The following OSBP variants were observed in gnomAD, a reference collection of about 807,000 sequenced individuals.
The protein encoded by OSBP is oxysterol-binding protein 1.
In OSBP, 32 loss-of-function variants were observed where a neutral mutation model predicts 96.6. The observed-to-expected ratio is 0.33, with a 90% CI of 0.25 to 0.45. The LOEUF (loss-of-function observed/expected upper bound fraction) is 0.45, where lower values mean the gene tolerates loss of function less well. Ranked by LOEUF, OSBP falls within the 20% of genes least tolerant of loss-of-function variation. The pLI, the probability that OSBP is intolerant of heterozygous loss-of-function variation, is 1.00. For synonymous variants in OSBP, 369 were observed against 389.6 expected, an observed-to-expected ratio of 0.95 and a Z score of 0.62; for missense variants, 653 against 1,029.7, an observed-to-expected ratio of 0.63 and a Z score of 5.01.
At chr11:59,591,896 C>T (rs1006504470) in intron 9 of OSBP, among the ~76,000 whole-genome samples, 2 of 152,180 alleles carry the variant, frequency 1.3e-5, no homozygotes, top group African/African-American at 4.8e-5. Flanking sequence ...GCTGGGATTA[C>T]AGGCATGAGC....
Position 59,576,785 on chromosome 11 carries a change from G to A in OSBP, c.2281+20C>T, listed in dbSNP as rs765311118. On this transcript the variant is annotated intron_variant, in intron 13 of 13. Transcript: ENST00000263847. ...ATTCTCCATGCATCAAGAAAGAAGAGTAGAAGGGAAGTTCATTACCATCCT... is the reference window on the plus strand; with the variant it reads ...ATTCTCCATGCATCAAGAAAGAAGAATAGAAGGGAAGTTCATTACCATCCT... 2.5e-6 allele frequency: 4 copies of A among 1,613,232 alleles called. No individual in the cohort carries two copies. In the African/African-American group the frequency reaches 4.0e-5, roughly 16 times the overall value.
chr11:59,598,948 A>G (rs1233198412), intron 7 of OSBP, among the ~76,000 whole-genome samples: 1 of 152,226 alleles, frequency 6.6e-6, no homozygotes, highest in East Asian at 1.9e-4. Flanking sequence ...GCTAGCTGGA[A>G]TAAGGCTCTG....
intron 3 of OSBP, among the ~76,000 whole-genome samples, chr11:59,607,753 C>T (rs1358365292): frequency 1.3e-5 from 2 of 152,122 alleles, no homozygotes; most frequent in African/African-American, 4.8e-5. Flanking sequence ...ATCGGTAATG[C>T]CATGGGTGCT....
chr11:59,615,233 A>T, intron 1 of OSBP, 70 bp downstream of exon 1: 1 of 1,338,970 alleles, frequency 7.5e-7, no homozygotes. Flanking sequence ...GCTGGCGGTA[A>T]TGCCGGAGCT....
chr11:59,589,151 CTTT>C (rs11335531), intron 9 of OSBP, among the ~76,000 whole-genome samples: 7 of 123,956 alleles, frequency 5.6e-5, no homozygotes, highest in Non-Finnish European at 1.0e-4. Context: ...AGCAATCATT[CTTT>C]TTTTTTTTTT....
chr11:59,615,419 C>T lies in OSBP; in HGVS notation c.246G>A (p.Ser82=), dbSNP rs1021227773. The T allele has an allele frequency of 6.6e-7, 1 of 1,513,608 alleles. No homozygotes were observed. The highest frequency in any genetic ancestry group is 8.9e-7 in the Non-Finnish European group (1 of 1,125,900). The allele number at this position is 1,513,608 out of a possible 1,614,324, so 93.8% of individuals were successfully genotyped here. A position where few individuals can be genotyped will look rare whatever the true frequency, so the allele number is the denominator to read the frequency against. The change falls in exon 1 of 14, where the codon TCG becomes TCA. Residue 82 remains serine, a synonymous_variant. Coordinates refer to ENST00000263847, the MANE Select transcript of OSBP (RefSeq NM_002556.3). ...GAGCCGAGCCCGAACCCCCAGCGCC[C>T]GAGCCGCCCGAGCCCCCAGTCGGCG... ...PAPPTGGSGG[S]GAGGSGSARE... is the part of the protein sequence containing the mutation.
At chr11:59,601,138 A>G (rs1860719697) in intron 5 of OSBP, 145 bp downstream of exon 5, 1 of 527,674 alleles carries the variant, frequency 1.9e-6, no homozygotes, top group South Asian at 3.1e-5. Context: ...AAAAAAAGGG[A>G]AAAGGGCCCA....
intron 7 of OSBP, among the ~76,000 whole-genome samples, chr11:59,594,897 G>A (rs1860629507): frequency 6.6e-6 from 1 of 152,148 alleles, no homozygotes; most frequent in Non-Finnish European, 1.5e-5. Context: ...AGGCGACCAA[G>A]TACTGGATAA....
chr11:59,590,530 G>A (rs1367252327), intron 9 of OSBP, among the ~76,000 whole-genome samples: 2 of 152,114 alleles, frequency 1.3e-5, no homozygotes, highest in African/African-American at 2.4e-5. Flanking sequence ...TTATTGTTGG[G>A]CCTGAATGAG....
chr11:59,610,370 T>G lies in OSBP; in HGVS notation c.571+11A>C. 2 of 1,611,668 alleles carry G rather than the reference T, an allele frequency of 1.2e-6. No homozygotes were observed. The highest frequency in any genetic ancestry group is 3.3e-5 in the Admixed American group (2 of 60,028). On this transcript the variant is annotated intron_variant, in intron 2 of 13. Coordinates refer to ENST00000263847, the MANE Select transcript of OSBP (RefSeq NM_002556.3). ...AGAAAGTTCCCCAGGCAGGTGTTCT[T>G]TGTTCCTGACCTGACTCTGCCAGCA...
At chr11:59,603,646 C>T (rs1366077789) in intron 3 of OSBP, among the ~76,000 whole-genome samples, 1 of 150,618 alleles carries the variant, frequency 6.6e-6, no homozygotes, top group African/African-American at 2.4e-5. Context: ...AAGTGATCCT[C>T]CTACCTGAGC....
chr11:59,596,042 A>G (rs891790758), intron 7 of OSBP, among the ~76,000 whole-genome samples: 1 of 152,006 alleles, frequency 6.6e-6, no homozygotes, highest in African/African-American at 2.4e-5. Context: ...AAATATCCCA[A>G]ATGTTTCTCT....
At chr11:59,581,196 C>T (rs1176204997) in intron 10 of OSBP, among the ~76,000 whole-genome samples, 3 of 152,110 alleles carry the variant, frequency 2.0e-5, no homozygotes, top group South Asian at 2.1e-4. Context: ...TTCTACCTGT[C>T]GTAGCACCCA....
intron 1 of OSBP, among the ~76,000 whole-genome samples, chr11:59,610,975 A>T (rs2134710203): frequency 6.6e-6 from 1 of 152,044 alleles, no homozygotes; most frequent in Middle Eastern, 3.4e-3. Flanking sequence ...TTCTACTAAA[A>T]ATCAAAAAAA....
Position 59,575,118 on chromosome 11 carries a change from TC to T in OSBP, c.*1458del, listed in dbSNP as rs1180666428. The T allele has an allele frequency of 1.3e-5, 2 of 152,236 alleles. No individual in the cohort carries two copies. Among genetic ancestry groups the T allele is most frequent in the African/African-American group, 2.4e-5 (1 of 41,510 alleles). 9.4% of individuals were successfully genotyped at this position (152,236 alleles called of 1,614,324 possible). A position where few individuals can be genotyped will look rare whatever the true frequency, so the allele number is the denominator to read the frequency against. ...ACATGACGGTGCTTTAAGCCCCACA[TC>T]CTAGGAAGAAAGTTCTTTTGGAATT... On this transcript the variant is annotated 3_prime_UTR_variant, in exon 14 of 14. Coordinates refer to ENST00000263847, the MANE Select transcript of OSBP (RefSeq NM_002556.3).
Position 59,615,751 on chromosome 11 carries a change from C to T in OSBP, c.-87G>A, listed in dbSNP as rs1860921352. On this transcript the variant is annotated 5_prime_UTR_variant, in exon 1 of 14. Transcript: ENST00000263847. ...GGAGCGCCCCACACGGCTACCGCAT[C>T]AGCCACCGCCGCGCAGCGTCCCCGC... The T allele has an allele frequency of 2.5e-6, 3 of 1,220,920 alleles. No homozygotes were observed. Among genetic ancestry groups the T allele is most frequent in the Admixed American group, 4.4e-5 (1 of 22,740 alleles). The allele number at this position is 1,220,920 out of a possible 1,614,324, so 75.6% of individuals were successfully genotyped here.
chr11:59,611,998 A>G (rs1860854920), intron 1 of OSBP, among the ~76,000 whole-genome samples: 1 of 152,234 alleles, frequency 6.6e-6, no homozygotes, highest in Non-Finnish European at 1.5e-5. Flanking sequence ...CCAAATTGGA[A>G]CACAGAGGTC....
intron 7 of OSBP, among the ~76,000 whole-genome samples, chr11:59,598,901 T>C (rs1860687866): frequency 6.6e-6 from 1 of 152,220 alleles, no homozygotes; most frequent in Non-Finnish European, 1.5e-5. Flanking sequence ...GGATGCACCC[T>C]TAAATGGTAC....
intron 9 of OSBP, among the ~76,000 whole-genome samples, chr11:59,591,627 CTT>C (rs530339994): frequency 2.2e-5 from 3 of 139,030 alleles, no homozygotes. Flanking sequence ...TTTTCTTTTC[CTT>C]TTTTTTTTTT....
Sources: gnomAD v4.1 joint callset for allele counts (sites outside exome capture counted in the v4.1 genomes callset) on GRCh38, gnomAD v4.1.1 for gene constraint, MANE v1.5 for transcripts, NCBI Gene and HGNC (gene_info 2026-07-23, HGNC 2026-07-21) for gene names.